The following ARHGEF6 variants were observed in gnomAD, a reference collection of about 807,000 sequenced individuals.
The protein encoded by ARHGEF6 is Rac/Cdc42 guanine nucleotide exchange factor 6.
Under a neutral mutation model 70.3 loss-of-function variants are expected in ARHGEF6, and 9 were observed. The observed-to-expected ratio is 0.13, with a 90% CI of 0.08 to 0.22. The LOEUF is 0.22. Ranked by LOEUF, ARHGEF6 falls within the 10% of genes least tolerant of loss-of-function variation. The probability of loss-of-function intolerance (pLI) is 1.00; values close to 1 mark genes in which losing one functional copy is unlikely to be tolerated. For missense variants in ARHGEF6, 470 were observed against 563.0 expected (o/e 0.83, Z 1.67); for synonymous variants, 201 against 207.8 (o/e 0.97, Z 0.28).
At chrX:136,689,435 T>A (rs919012752) in intron 10 of ARHGEF6, among the ~76,000 whole-genome samples, 1 of 112,118 alleles carries the variant, frequency 8.9e-6, no homozygotes, top group African/African-American at 3.2e-5. Flanking sequence ...CACTGAAAAG[T>A]AATAGAAACT....
At chrX:136,695,293 A>G (rs916637724) in intron 9 of ARHGEF6, among the ~76,000 whole-genome samples, 1 of 112,205 alleles carries the variant, frequency 8.9e-6, no homozygotes, top group Non-Finnish European at 1.9e-5. Flanking sequence ...ATTTAGTTCT[A>G]TGAGGACTCC....
chrX:136,692,853 A>C (rs947776717), intron 9 of ARHGEF6, among the ~76,000 whole-genome samples: 6 of 111,736 alleles, frequency 5.4e-5, no homozygotes, highest in African/African-American at 2.0e-4. Context: ...ATCCCAAGAC[A>C]AATACCTTGC....
rs183874206 is a variant in ARHGEF6 at position 136,774,035 on chromosome X, C to T, written c.249+5379G>A. 1.1e-4 allele frequency: 12 copies of T among 111,606 alleles called. No homozygotes were observed. The South Asian group carries it at 1.9e-3, about 18-fold the overall frequency. The allele number at this position is 111,606 out of a possible 1,213,427, so 9.2% of individuals were successfully genotyped here. A position where few individuals can be genotyped will look rare whatever the true frequency, so the allele number is the denominator to read the frequency against. ...AGCAGCCCATATACTAAAATTGGAA[C>T]GATACAGAGAATATTCATATGGCCC... is the stretch of plus-strand genomic sequence containing the variant. On this transcript the variant is annotated intron_variant, in intron 2 of 21. Transcript: ENST00000250617.
At chrX:136,749,646 G>A (rs747343140) in intron 2 of ARHGEF6, among the ~76,000 whole-genome samples, 22 of 111,755 alleles carry the variant, frequency 2.0e-4, no homozygotes, top group Non-Finnish European at 3.4e-4. Flanking sequence ...AATGAAATGT[G>A]CATCAAGAAG....
At chrX:136,778,708 T>A (rs763534607) in intron 2 of ARHGEF6, among the ~76,000 whole-genome samples, 2 of 111,227 alleles carry the variant, frequency 1.8e-5, no homozygotes, top group Non-Finnish European at 3.8e-5. Flanking sequence ...CAGGCTGGTC[T>A]CGAACTCCTG....
In ARHGEF6 at chrX:136,682,934, C is replaced by T. The variant is rs2076347492; in HGVS notation, c.1393-90G>A. 7 of 698,115 alleles carry T rather than the reference C, an allele frequency of 1.0e-5. No homozygotes were observed. In the Admixed American group the frequency reaches 1.9e-4, roughly 19 times the overall value. 57.5% of individuals were successfully genotyped at this position (698,115 alleles called of 1,213,427 possible). A position where few individuals can be genotyped will look rare whatever the true frequency, so the allele number is the denominator to read the frequency against. ...GGAATCACTGCCTTATAACATAGAC[C>T]TTATATAAACAACTGAAACATTAAC... On this transcript the variant is annotated intron_variant, in intron 12 of 21. Coordinates refer to ENST00000250617, the MANE Select transcript of ARHGEF6 (RefSeq NM_004840.3).
At chrX:136,742,117 A>C (rs865865759) in intron 5 of ARHGEF6, among the ~76,000 whole-genome samples, 4 of 111,068 alleles carry the variant, frequency 3.6e-5, no homozygotes, top group Non-Finnish European at 7.6e-5. Flanking sequence ...TCAGGAGATC[A>C]AGACCATCCT....
At chrX:136,711,703 C>T (rs749664486) in intron 7 of ARHGEF6, among the ~76,000 whole-genome samples, 1 of 111,021 alleles carries the variant, frequency 9.0e-6, no homozygotes, top group African/African-American at 3.3e-5. Flanking sequence ...GCTGGGACTA[C>T]AGGTGCGCAC....
intron 6 of ARHGEF6, among the ~76,000 whole-genome samples, chrX:136,714,533 G>A (rs149854164): frequency 1.9e-3 from 217 of 112,355 alleles, no homozygotes; most frequent in African/African-American, 6.8e-3. Context: ...GCTGCCCACA[G>A]GGAGTTTATA....
At chrX:136,694,160 C>G (rs780329400) in intron 9 of ARHGEF6, among the ~76,000 whole-genome samples, 2 of 108,409 alleles carry the variant, frequency 1.8e-5, no homozygotes, top group Admixed American at 2.0e-4. Flanking sequence ...TCAAGCGATT[C>G]TCTTGCCTCA....
rs181465899 is a variant in ARHGEF6, at chrX:136,724,698, C to T, written c.732+7404G>A. On this transcript the variant is annotated intron_variant, in intron 6 of 21. Coordinates refer to ENST00000250617, the MANE Select transcript of ARHGEF6 (RefSeq NM_004840.3). ...TGAGACAGAGTCTCACTATGTTGCC[C>T]AGGCCGGTCTTGAATTCCTGGGCTC... Among the ~76,000 whole-genome samples the T allele has an allele frequency of 1.4e-4, 16 of 110,884 alleles. No individual in the cohort carries two copies. In the Admixed American group the frequency reaches 1.5e-3, roughly 11 times the overall value.
intron 6 of ARHGEF6, among the ~76,000 whole-genome samples, chrX:136,714,362 C>T (rs182207930): frequency 3.6e-5 from 4 of 111,883 alleles, no homozygotes; most frequent in Admixed American, 2.8e-4. Flanking sequence ...CGAGCCTGCA[C>T]ATTGTGCACA....
chrX:136,771,172 G>T (rs1298324077), intron 2 of ARHGEF6, among the ~76,000 whole-genome samples: 1 of 111,929 alleles, frequency 8.9e-6, no homozygotes, highest in Non-Finnish European at 1.9e-5. Flanking sequence ...TGAAACTAAA[G>T]ACAAATAAGT....
At chrX:136,743,816 G>C in intron 4 of ARHGEF6, 30 bp from the exon 5 acceptor site, 1 of 1,171,843 alleles carries the variant, frequency 8.5e-7, no homozygotes, top group Non-Finnish European at 1.2e-6. Context: ...ACCAGATTAA[G>C]CACTCATCTA....
At chrX:136,676,489 T>C (rs2076283027) in intron 18 of ARHGEF6, 135 bp downstream of exon 18, 1 of 492,188 alleles carries the variant, frequency 2.0e-6, no homozygotes, top group Non-Finnish European at 3.5e-6. Flanking sequence ...TTTCCATGCA[T>C]TCTTCTTTAT....
chrX:136,677,929 C>A lies in ARHGEF6; in HGVS notation c.1851+7G>T. On this transcript the variant is annotated splice_region_variant and intron_variant, in intron 17 of 21. Coordinates refer to ENST00000250617, the MANE Select transcript of ARHGEF6 (RefSeq NM_004840.3). ...ACTGTAAGCCAAAGATATTGTACTA[C>A]CCTTACCTTTAAGATATAAGACATC... 1 of 1,198,093 alleles carries A rather than the reference C, an allele frequency of 8.3e-7. No individual in the cohort carries two copies. Among genetic ancestry groups the A allele is most frequent in the South Asian group, 1.8e-5 (1 of 56,621 alleles).
rs1257391129 is a variant in ARHGEF6 at position 136,732,172 on chromosome X, T to C, written c.662A>G (p.Glu221Gly). Residue 221 changes from glutamate to glycine, a missense_variant and splice_region_variant, in exon 6 of 22, where the codon GAG becomes GGG. By Grantham distance (98) the Glu-to-Gly change is moderately conservative. Around this residue, in one of 3 missense-constraint regions of ARHGEF6, gnomAD observed 379 missense variants for 449.3 expected, o/e 0.84. Coordinates refer to ENST00000250617, the MANE Select transcript of ARHGEF6 (RefSeq NM_004840.3). ...GACGGCTTTTGGGGAGAGAGGTCTC[T>C]CTGTGAAAAAAACATTTAAATTATG... Reference protein sequence around the residue: ...SNYVREIKSSERPLSPKAVKG... With the variant: ...SNYVREIKSSGRPLSPKAVKG... The C allele has an allele frequency of 8.4e-7, 1 of 1,196,519 alleles. No individual in the cohort carries two copies.
rs2076533698 is a variant in ARHGEF6, at chrX:136,698,419, G to T, written c.1047-7671C>A. Among the ~76,000 whole-genome samples, 3 of 111,521 alleles carry T rather than the reference G, an allele frequency of 2.7e-5. No homozygotes were observed. The South Asian group carries it at 1.1e-3, about 42-fold the overall frequency. On this transcript the variant is annotated intron_variant, in intron 9 of 21. Coordinates refer to ENST00000250617, the MANE Select transcript of ARHGEF6 (RefSeq NM_004840.3). ...AACCCACACATACAAGAAGCTCAAT[G>T]AATTTCAAGTAGGATAAATGCAAAG...
intron 20 of ARHGEF6, among the ~76,000 whole-genome samples, chrX:136,671,467 T>G (rs2076224861): frequency 8.9e-6 from 1 of 112,326 alleles, no homozygotes; most frequent in Non-Finnish European, 1.9e-5. Flanking sequence ...AACCTGATTT[T>G]CCCCCATTAG....
Sources: gnomAD v4.1 joint callset for allele counts (sites outside exome capture counted in the v4.1 genomes callset) on GRCh38, gnomAD v4.1.1 for gene constraint, gnomAD v4.1.1 regional missense constraint, MANE v1.5 for transcripts, NCBI Gene and HGNC (gene_info 2026-07-23, HGNC 2026-07-21) for gene names.